CWC27: variants seen among roughly 807,000 people sequenced by gnomAD.
The protein encoded by CWC27 is CWC27 spliceosome associated cyclophilin, also known as spliceosome-associated protein CWC27 homolog.
CWC27 carries 47 observed loss-of-function variants against 63.6 expected under a neutral mutation model. The observed-to-expected ratio is 0.74, with a 90% CI of 0.58 to 0.94. CWC27 has a LOEUF of 0.94. Among genes scored for constraint, CWC27 ranks in the 40% least tolerant of loss-of-function variants. The pLI is 0.00. For missense variants in CWC27, 495 were observed against 554.3 expected (o/e 0.89, Z 1.07); for synonymous variants, 175 against 179.8 (o/e 0.97, Z 0.22).
At chr5:64,863,046 A>G (rs1334453311) in intron 10 of CWC27, among the ~76,000 whole-genome samples, 1 of 152,224 alleles carries the variant, frequency 6.6e-6, no homozygotes, top group Non-Finnish European at 1.5e-5. Context: ...AAGTTTCAAC[A>G]TATGAATATG....
chr5:64,980,365 A>T (rs970067644), intron 13 of CWC27, among the ~76,000 whole-genome samples: 2 of 152,208 alleles, frequency 1.3e-5, no homozygotes, highest in Admixed American at 1.3e-4. Context: ...GACCATATGG[A>T]TGAAGTCCAT....
intron 12 of CWC27, chr5:64,972,541 TA>T (rs398109009): frequency 1.7e-3 from 109 of 64,602 alleles, no homozygotes; most frequent in African/African-American, 9.1e-3. Context: ...CAAACTGCCT[TA>T]TATATATATA....
chr5:64,896,544 A>G (rs545050032), intron 11 of CWC27, among the ~76,000 whole-genome samples: 9 of 152,168 alleles, frequency 5.9e-5, no homozygotes, highest in Non-Finnish European at 1.3e-4. Context: ...TTGTTTGGGA[A>G]GAAGGTAAAG....
intron 10 of CWC27, chr5:64,807,842 C>T: frequency 6.6e-7 from 1 of 1,525,714 alleles, no homozygotes. Flanking sequence ...CTTTCTCTTC[C>T]CCGCTTCGAG....
At chr5:65,004,650 T>C (rs968736864) in intron 13 of CWC27, among the ~76,000 whole-genome samples, 19 of 150,836 alleles carry the variant, frequency 1.3e-4, no homozygotes, top group Admixed American at 5.9e-4. Context: ...TCACTTAGTT[T>C]GTTAAATATC....
At chr5:65,003,494 G>A (rs898294450) in intron 13 of CWC27, among the ~76,000 whole-genome samples, 1 of 152,046 alleles carries the variant, frequency 6.6e-6, no homozygotes, top group African/African-American at 2.4e-5. Flanking sequence ...TCTCTACAAT[G>A]AGTTTTATAC....
chr5:65,017,511 T>A (rs560462743), intron 13 of CWC27, among the ~76,000 whole-genome samples: 1 of 152,312 alleles, frequency 6.6e-6, no homozygotes, highest in South Asian at 2.1e-4. Flanking sequence ...TTAAGACCAG[T>A]AAGCTTTTGA....
intron 11 of CWC27, among the ~76,000 whole-genome samples, chr5:64,894,407 A>T (rs2112355474): frequency 6.6e-6 from 1 of 152,234 alleles, no homozygotes; most frequent in African/African-American, 2.4e-5. Context: ...TAAAGTTTTA[A>T]TTGGTATTTA....
At chr5:64,882,050 A>G (rs561071405) in intron 10 of CWC27, among the ~76,000 whole-genome samples, 1 of 152,330 alleles carries the variant, frequency 6.6e-6, no homozygotes, top group Admixed American at 6.5e-5. Context: ...CCAAGTAAAT[A>G]TGGGATATCT....
chr5:64,968,151 T>G (rs1364532050), intron 11 of CWC27, among the ~76,000 whole-genome samples: 1 of 152,026 alleles, frequency 6.6e-6, no homozygotes, highest in Admixed American at 6.6e-5. Flanking sequence ...GTAATATCAC[T>G]TGTCATCAGA....
intron 10 of CWC27, among the ~76,000 whole-genome samples, chr5:64,816,241 T>C (rs1745024640): frequency 6.6e-6 from 1 of 152,082 alleles, no homozygotes; most frequent in Non-Finnish European, 1.5e-5. Context: ...AGGTGTCCAC[T>C]CAATTATGCC....
chr5:64,843,017 A>G (rs1745885461), intron 10 of CWC27, among the ~76,000 whole-genome samples: 1 of 152,226 alleles, frequency 6.6e-6, no homozygotes, highest in African/African-American at 2.4e-5. Flanking sequence ...AGAATAATCA[A>G]TCTCCATTAA....
At chr5:64,930,588 A>C (rs183049819) in intron 11 of CWC27, among the ~76,000 whole-genome samples, 2 of 152,304 alleles carry the variant, frequency 1.3e-5, no homozygotes, top group African/African-American at 4.8e-5. Flanking sequence ...GAAAATCACC[A>C]TTGTCATAGT....
rs1315847162 is a variant in CWC27, at chr5:64,918,299, G to A, written c.1042+32753G>A. 3.3e-5 allele frequency among the ~76,000 whole-genome samples: 5 copies of A among 152,268 alleles called. 1 individual carries two copies. In the South Asian group the frequency reaches 1.0e-3, roughly 32 times the overall value. ...CAGGAAGGCAGATTGGGAAGATGTG[G>A]TCAAAGGATTCAAAATTTCAGTTAG... On this transcript the variant is annotated intron_variant, in intron 11 of 13. Coordinates refer to ENST00000381070, the MANE Select transcript of CWC27 (RefSeq NM_005869.4).
At chr5:64,802,207 C>T (rs909835123) in intron 9 of CWC27, among the ~76,000 whole-genome samples, 2 of 152,062 alleles carry the variant, frequency 1.3e-5, no homozygotes, top group Non-Finnish European at 2.9e-5. Context: ...GAAATACAAA[C>T]GGAAATTTAA....
chr5:64,803,733 T>C (rs554497943), intron 9 of CWC27, among the ~76,000 whole-genome samples: 1 of 152,084 alleles, frequency 6.6e-6, no homozygotes, highest in Non-Finnish European at 1.5e-5. Flanking sequence ...GAGGTTTAGA[T>C]TGCATAGGGC....
chr5:64,899,668 A>G (rs1747457719), intron 11 of CWC27, among the ~76,000 whole-genome samples: 1 of 152,234 alleles, frequency 6.6e-6, no homozygotes, highest in Admixed American at 6.5e-5. Context: ...ACTTTTGAAC[A>G]GAAACGAAAA....
chr5:64,840,362 TAAAAAAAAAAAAAA>T (rs10534375), intron 10 of CWC27, among the ~76,000 whole-genome samples: 2 of 22,240 alleles, frequency 9.0e-5, no homozygotes, highest in Non-Finnish European at 1.7e-4. Flanking sequence ...CCTTTTTCAT[TAAAAAAAAAAAAAA>T]AAAAAAAAAA....
chr5:64,802,284 T>A (rs1744515163), intron 9 of CWC27, among the ~76,000 whole-genome samples: 2 of 152,134 alleles, frequency 1.3e-5, no homozygotes, highest in South Asian at 4.1e-4. Flanking sequence ...GAACTGCATA[T>A]ACAAAATGGT....
Sources: allele counts gnomAD v4.1 joint callset (sites outside exome capture counted in the v4.1 genomes callset), GRCh38; gene constraint gnomAD v4.1.1; transcripts MANE v1.5; gene names NCBI Gene and HGNC (gene_info 2026-07-23, HGNC 2026-07-21).